NEDD1: variants seen among roughly 807,000 people sequenced by gnomAD.
The protein encoded by NEDD1 is NEDD1 gamma-tubulin ring complex targeting factor, also known as protein NEDD1.
NEDD1 carries 33 observed loss-of-function variants against 74.0 expected under a neutral mutation model. The ratio of observed to expected loss-of-function variants is 0.45; its 90% confidence interval spans 0.34 to 0.60. The LOEUF (loss-of-function observed/expected upper bound fraction) is 0.60, where lower values mean the gene tolerates loss of function less well. Ranked by LOEUF, NEDD1 falls within the 20% of genes least tolerant of loss-of-function variation. The pLI is 0.01. For synonymous variants in NEDD1, 250 were observed against 264.4 expected (o/e 0.95, Z 0.53); for missense variants, 746 against 776.5 (o/e 0.96, Z 0.47).
chr12:96,921,934 A>C (rs1463082748), intron 6 of NEDD1, among the ~76,000 whole-genome samples: 2 of 152,160 alleles, frequency 1.3e-5, no homozygotes, highest in Non-Finnish European at 2.9e-5. Context: ...GATGTTTTAC[A>C]TGGAGGAAAT....
chr12:96,918,724 G>C (rs1874736292), intron 5 of NEDD1, among the ~76,000 whole-genome samples: 3 of 152,182 alleles, frequency 2.0e-5, no homozygotes, highest in Admixed American at 6.5e-5. Flanking sequence ...TAGGTTCTTA[G>C]TAAATGTTTG....
At position 96,950,540 on chromosome 12, in the gene NEDD1, T is replaced by C. The variant is rs145621373; in HGVS notation, c.1812-892T>C. 5.0e-3 allele frequency among the ~76,000 whole-genome samples: 758 copies of C among 152,052 alleles called. 4 individuals are homozygous for C. The highest frequency in any genetic ancestry group is 0.017 in the African/African-American group (711 of 41,564). On this transcript the variant is annotated intron_variant, in intron 14 of 15. Transcript: ENST00000266742. ...AGTACAAACTAATGATATACAGATA[T>C]ATAAAACATGAATCTTCAAAACAAT...
intron 7 of NEDD1, 83 bp from the exon 8 acceptor site, chr12:96,936,528 G>A: frequency 1.1e-6 from 1 of 886,064 alleles, no homozygotes; most frequent in Middle Eastern, 2.4e-4. Context: ...AATAACTCTG[G>A]TTTTGGTATA....
Position 96,952,156 on chromosome 12 carries a change from T to G in NEDD1, c.*103T>G. 1 of 668,578 alleles carries G rather than the reference T, an allele frequency of 1.5e-6. No homozygotes were observed. The highest frequency in any genetic ancestry group is 2.6e-6 in the Non-Finnish European group (1 of 377,776). The allele number at this position is 668,578 out of a possible 1,614,324, so 41.4% of individuals were successfully genotyped here. On this transcript the variant is annotated 3_prime_UTR_variant, in exon 16 of 16. Transcript: ENST00000266742. ...TTCATGGCCTCCAGGGAAAAAATGT[T>G]TTTCAAGTAAGAGTAAAAGGATGAT...
intron 4 of NEDD1, among the ~76,000 whole-genome samples, chr12:96,914,718 AT>A (rs1444771804): frequency 6.6e-6 from 1 of 152,052 alleles, no homozygotes; most frequent in African/African-American, 2.4e-5. Context: ...GTTCATATTT[AT>A]TTTCTTTGAT....
At chr12:96,913,420 C>T in intron 4 of NEDD1, among the ~76,000 whole-genome samples, 1 of 151,752 alleles carries the variant, frequency 6.6e-6, no homozygotes, top group Non-Finnish European at 1.5e-5. Flanking sequence ...GTTGCCCAGG[C>T]TGGAGTGCAA....
chr12:96,946,120 A>G (rs1314282966), intron 14 of NEDD1, among the ~76,000 whole-genome samples: 1 of 152,120 alleles, frequency 6.6e-6, no homozygotes, highest in African/African-American at 2.4e-5. Flanking sequence ...TTTTATTATT[A>G]AAATGTGGAC....
At chr12:96,944,104 G>A (rs184287597) in intron 12 of NEDD1, among the ~76,000 whole-genome samples, 1 of 152,058 alleles carries the variant, frequency 6.6e-6, no homozygotes, top group Admixed American at 6.6e-5. Context: ...ATGGTGCTGA[G>A]AATGGAATTT....
intron 6 of NEDD1, among the ~76,000 whole-genome samples, chr12:96,932,893 C>CT (rs1876698715): frequency 6.6e-6 from 1 of 151,582 alleles, no homozygotes; most frequent in Non-Finnish European, 1.5e-5. Context: ...GATGAGAACG[C>CT]TGAGTTTTGG....
In NEDD1 at chr12:96,953,209, TA is replaced by T. The variant is rs201048692; in HGVS notation, c.*1169del. The T allele has an allele frequency of 5.7e-3, 795 of 138,840 alleles. 5 individuals are homozygous for T. Among genetic ancestry groups the T allele is most frequent in the African/African-American group, 0.017 (670 of 38,538 alleles). The allele number at this position is 138,840 out of a possible 1,614,324, so 8.6% of individuals were successfully genotyped here. ...CTGAGATGAAAGTATTTACTAAAAT[TA>T]AAAAAAAAAAAACAAAAAACAAACC... On this transcript the variant is annotated 3_prime_UTR_variant, in exon 16 of 16. Transcript: ENST00000266742.
At chr12:96,932,223 C>A (rs1876558471) in intron 6 of NEDD1, among the ~76,000 whole-genome samples, 1 of 150,284 alleles carries the variant, frequency 6.7e-6, no homozygotes, top group Non-Finnish European at 1.5e-5. Flanking sequence ...TGATTTAATT[C>A]TTTTCTTATA....
At position 96,942,589 on chromosome 12, in the gene NEDD1, A is replaced by G. The variant is rs1273581667; in HGVS notation, c.1259A>G (p.Asn420Ser). ...TAATTTGTTATAGATGCTGTAGTTA[A>G]CAAGGGAAGTGATGAGTCCATAGGC... ...FSPIRDDAVV[N>S]KGSDESIGKG... The change falls in exon 11 of 16, where the codon AAC becomes AGC. Residue 420 changes from asparagine (N) to serine (S), a missense_variant. Around this residue, in one of 3 missense-constraint regions of NEDD1, gnomAD observed 706 missense variants for 706.7 expected, o/e 1.00. Coordinates refer to ENST00000266742, the MANE Select transcript of NEDD1 (RefSeq NM_152905.4). 4 of 1,510,604 alleles carry G rather than the reference A, an allele frequency of 2.6e-6. No homozygotes were observed. In the African/African-American group the frequency reaches 5.5e-5, roughly 21 times the overall value. 93.6% of individuals were successfully genotyped at this position (1,510,604 alleles called of 1,614,324 possible).
chr12:96,911,474 A>G (rs777844703), intron 3 of NEDD1, among the ~76,000 whole-genome samples: 63 of 152,322 alleles, frequency 4.1e-4, no homozygotes, highest in Non-Finnish European at 8.1e-4. Context: ...CATGGAGGTT[A>G]ATTACTGAAG....
intron 9 of NEDD1, among the ~76,000 whole-genome samples, chr12:96,938,632 G>A (rs964131262): frequency 1.3e-5 from 2 of 151,976 alleles, no homozygotes; most frequent in African/African-American, 4.8e-5. Flanking sequence ...CTGGCAAAGT[G>A]AGTGCTCTGC....
At position 96,952,069 on chromosome 12, in the gene NEDD1, C is replaced by T; in HGVS notation, c.*16C>T. On this transcript the variant is annotated 3_prime_UTR_variant, in exon 16 of 16. Transcript: ENST00000266742. ...CCACTTTTGAAATTTCAGTGAATAC[C>T]TTAATGTTCTGTAATTTGGGAAGTT... 1 of 1,320,172 alleles carries T rather than the reference C, an allele frequency of 7.6e-7. No homozygotes were observed. Among genetic ancestry groups the T allele is most frequent in the Non-Finnish European group, 1.1e-6 (1 of 916,168 alleles). 81.8% of individuals were successfully genotyped at this position (1,320,172 alleles called of 1,614,324 possible).
chr12:96,922,431 A>G (rs1875203157), intron 6 of NEDD1, among the ~76,000 whole-genome samples: 1 of 152,178 alleles, frequency 6.6e-6, no homozygotes, highest in South Asian at 2.1e-4. Flanking sequence ...GAAGCATGAC[A>G]AATTTATAAA....
intron 9 of NEDD1, among the ~76,000 whole-genome samples, chr12:96,939,643 T>G (rs1366393966): frequency 6.6e-6 from 1 of 151,958 alleles, no homozygotes; most frequent in Non-Finnish European, 1.5e-5. Context: ...TTTTTGAACC[T>G]CTAAAACTGT....
chr12:96,943,835 G>A, intron 12 of NEDD1, 73 bp downstream of exon 12: 1 of 834,706 alleles, frequency 1.2e-6, no homozygotes, highest in Non-Finnish European at 2.0e-6. Flanking sequence ...GCCAGTGCAT[G>A]TATCCTAATT....
At chr12:96,921,871 C>T (rs1046242894) in intron 6 of NEDD1, among the ~76,000 whole-genome samples, 15 of 151,624 alleles carry the variant, frequency 9.9e-5, no homozygotes, top group Admixed American at 3.9e-4. Context: ...CTGCCTCAGT[C>T]TCCCAAAGTG....
Sources: gnomAD v4.1 joint callset for allele counts (sites outside exome capture counted in the v4.1 genomes callset) on GRCh38, gnomAD v4.1.1 for gene constraint, gnomAD v4.1.1 regional missense constraint, MANE v1.5 for transcripts, NCBI Gene and HGNC (gene_info 2026-07-23, HGNC 2026-07-21) for gene names.